The following PRP4K variants were observed in gnomAD, a reference collection of about 807,000 sequenced individuals.
PRP4K encodes the protein pre-mRNA processing factor kinase PRP4K.
chr6:4,034,706 ATTTATTTTATTTTAT>A, the PRP4K span, among the ~76,000 whole-genome samples: 1 of 151,626 alleles, frequency 6.6e-6, no homozygotes, highest in Non-Finnish European at 1.5e-5. Context: ...ATTTTTATTT[ATTTATTTTATTTTAT>A]TTTATTTTTT....
At chr6:4,045,746 G>A in the PRP4K span, among the ~76,000 whole-genome samples, 7,827 of 152,236 alleles carry the variant, frequency 0.051, 664 homozygotes, top group African/African-American at 0.18. Flanking sequence ...TAAAATTTCA[G>A]TGGTTGTTTT....
chr6:4,051,766 GACTA>G, the PRP4K span, among the ~76,000 whole-genome samples: 2 of 152,100 alleles, frequency 1.3e-5, no homozygotes, highest in Non-Finnish European at 2.9e-5. Flanking sequence ...AATGATAGTT[GACTA>G]ACTATAAAGT....
chr6:4,057,357 G>A, the PRP4K span, among the ~76,000 whole-genome samples: 1 of 152,184 alleles, frequency 6.6e-6, no homozygotes, highest in African/African-American at 2.4e-5. Context: ...TAAATTAGTG[G>A]TTCTAATCAG....
At chr6:4,051,403 G>A in the PRP4K span, among the ~76,000 whole-genome samples, 7 of 151,722 alleles carry the variant, frequency 4.6e-5, no homozygotes, top group African/African-American at 1.5e-4. Context: ...CAAACCCTCC[G>A]TCTCCCGGGT....
At chr6:4,044,590 T>C in the PRP4K span, among the ~76,000 whole-genome samples, 1 of 152,156 alleles carries the variant, frequency 6.6e-6, no homozygotes, top group Non-Finnish European at 1.5e-5. Flanking sequence ...TTATTTTTCT[T>C]TCTGAAGCTA....
the PRP4K span, chr6:4,032,293 CTGA>C: frequency 6.2e-7 from 1 of 1,613,226 alleles, no homozygotes; most frequent in East Asian, 2.2e-5. Flanking sequence ...AGATCTCCTA[CTGA>C]TGATAAGGTT....
At chr6:4,032,850 GTAAAAA>G in the PRP4K span, 6 of 1,287,782 alleles carry the variant, frequency 4.7e-6, no homozygotes, top group Admixed American at 9.0e-5. Flanking sequence ...GAAGTAGTAA[GTAAAAA>G]TAAAAATAAA....
At chr6:4,027,592 C>CGGGGGGG in the PRP4K span, among the ~76,000 whole-genome samples, 12 of 7,846 alleles carry the variant, frequency 1.5e-3, no homozygotes, top group African/African-American at 3.0e-3. Context: ...GCTTATTTGG[C>CGGGGGGG]GGAGGGGTGG....
the PRP4K span, chr6:4,021,409 G>C: frequency 1.3e-6 from 2 of 1,577,948 alleles, no homozygotes; most frequent in African/African-American, 2.7e-5. Flanking sequence ...CGCCGCCGAG[G>C]AGTCAGGAAG....
chr6:4,052,162 A>G, the PRP4K span: 2 of 1,447,172 alleles, frequency 1.4e-6, no homozygotes, highest in South Asian at 1.5e-5. Context: ...CTCATTTTGG[A>G]TAAATGCTGT....
At chr6:4,030,481 A>G in the PRP4K span, among the ~76,000 whole-genome samples, 1 of 152,332 alleles carries the variant, frequency 6.6e-6, no homozygotes, top group South Asian at 2.1e-4. Flanking sequence ...ATATTCTAGG[A>G]TGATGGTTTA....
the PRP4K span, among the ~76,000 whole-genome samples, chr6:4,028,413 C>T: frequency 6.6e-6 from 1 of 152,078 alleles, no homozygotes; most frequent in African/African-American, 2.4e-5. Flanking sequence ...CACCATGGTC[C>T]CCAGGCTGGC....
the PRP4K span, chr6:4,049,721 T>G: frequency 6.2e-7 from 1 of 1,602,600 alleles, no homozygotes; most frequent in Non-Finnish European, 8.5e-7. Flanking sequence ...TTTTTCAATT[T>G]GCCTTTTTAG....
the PRP4K span, chr6:4,047,277 CA>C: frequency 7.3e-4 from 1,087 of 1,485,352 alleles, 1 homozygote; most frequent in African/African-American, 2.5e-3. Context: ...AGTGTTAAAA[CA>C]AAAAAAAATA....
chr6:4,059,892 A>G, the PRP4K span, among the ~76,000 whole-genome samples: 1 of 152,182 alleles, frequency 6.6e-6, no homozygotes, highest in Non-Finnish European at 1.5e-5. Context: ...TGATCCACCT[A>G]CCTTGGGCTT....
chr6:4,052,017 T>G, the PRP4K span: 1 of 1,606,552 alleles, frequency 6.2e-7, no homozygotes, highest in Non-Finnish European at 8.5e-7. Context: ...CTGATCCTGA[T>G]GACAAATTTC....
chr6:4,059,234 G>T, the PRP4K span, among the ~76,000 whole-genome samples: 1 of 152,090 alleles, frequency 6.6e-6, no homozygotes, highest in East Asian at 1.9e-4. Flanking sequence ...GCTTTCTTCA[G>T]TTTTCAGACC....
chr6:4,021,554 A>G, the PRP4K span: 1 of 1,523,662 alleles, frequency 6.6e-7, no homozygotes, highest in South Asian at 1.2e-5. Context: ...GTTCGGGCCT[A>G]ACGGCGAGAG....
At chr6:4,042,951 T>C in the PRP4K span, among the ~76,000 whole-genome samples, 4 of 152,234 alleles carry the variant, frequency 2.6e-5, no homozygotes, top group African/African-American at 9.6e-5. Context: ...TATTTAGTAA[T>C]GGCAAGTTTT....
Sources: allele counts gnomAD v4.1 joint callset (sites outside exome capture counted in the v4.1 genomes callset), GRCh38; gene constraint gnomAD v4.1.1; transcripts MANE v1.5; gene names NCBI Gene and HGNC (gene_info 2026-07-23, HGNC 2026-07-21).